Variants in SNX3 observed in about 807,000 individuals in gnomAD.
SNX3 encodes the protein sorting nexin 3.
A neutral mutation model predicts 17.7 loss-of-function variants in SNX3; 5 were observed. The ratio of observed to expected loss-of-function variants is 0.28; its 90% CI spans 0.15 to 0.59. The LOEUF (loss-of-function observed/expected upper bound fraction) is 0.59, where lower values mean the gene tolerates loss of function less well. Ranked by LOEUF, SNX3 falls within the 20% of genes least tolerant of loss-of-function variation. The pLI is 0.88. For missense variants in SNX3, 132 were observed against 206.8 expected (o/e 0.64, Z 2.22); for synonymous variants, 91 against 76.5 (o/e 1.19, Z -0.99).
chr6:108,251,453 T>C (rs1167568128), intron 1 of SNX3, among the ~76,000 whole-genome samples: 1 of 152,178 alleles, frequency 6.6e-6, no homozygotes, highest in Non-Finnish European at 1.5e-5. Flanking sequence ...CCCAGCTTCT[T>C]TTGTAGCTAA....
Position 108,235,189 on chromosome 6 carries a change from A to G in SNX3, c.163-12144T>C, listed in dbSNP as rs573867135. Reference sequence around the variant, plus strand: ...GAATTGGGGCCTGTCCTCTTGGAACATTTGTTCATAAAGACATTCTCTCTT... The same window carrying G: ...GAATTGGGGCCTGTCCTCTTGGAACGTTTGTTCATAAAGACATTCTCTCTT... On this transcript the variant is annotated intron_variant, in intron 1 of 3. Transcript: ENST00000230085. Among the ~76,000 whole-genome samples the G allele has an allele frequency of 3.1e-4, 47 of 152,268 alleles. 1 individual carries two copies. In the South Asian group the frequency reaches 9.7e-3, roughly 32 times the overall value.
At chr6:108,220,318 T>C (rs1774719590) in intron 2 of SNX3, among the ~76,000 whole-genome samples, 2 of 152,118 alleles carry the variant, frequency 1.3e-5, no homozygotes, top group African/African-American at 4.8e-5. Context: ...GCTCCATTTA[T>C]GGTAAGTGCC....
chr6:108,214,262 C>T (rs948915147), intron 3 of SNX3, among the ~76,000 whole-genome samples: 2 of 152,050 alleles, frequency 1.3e-5, no homozygotes, highest in African/African-American at 4.8e-5. Context: ...CATAAATTAA[C>T]CAAGAAAAAC....
Position 108,248,973 on chromosome 6 carries a change from T to C in SNX3, c.162+11787A>G, listed in dbSNP as rs1254355358. Among the ~76,000 whole-genome samples, 4 of 152,192 alleles carry C rather than the reference T, an allele frequency of 2.6e-5. No homozygotes were observed. The East Asian group carries it at 7.7e-4, about 29-fold the overall frequency. Reference sequence around the variant, plus strand: ...TGTAGAAAGGACTTACCTATGTTAATAGTTCAACCAATACCAACTTAAATA... The same window carrying C: ...TGTAGAAAGGACTTACCTATGTTAACAGTTCAACCAATACCAACTTAAATA... On this transcript the variant is annotated intron_variant, in intron 1 of 3. Transcript: ENST00000230085.
chr6:108,247,337 C>T (rs183899659), intron 1 of SNX3, among the ~76,000 whole-genome samples: 9 of 151,970 alleles, frequency 5.9e-5, no homozygotes, highest in African/African-American at 1.9e-4. Flanking sequence ...ACGATTATTG[C>T]TAAGTAAGAA....
chr6:108,239,721 C>G (rs1775461205), intron 1 of SNX3, among the ~76,000 whole-genome samples: 1 of 152,154 alleles, frequency 6.6e-6, no homozygotes, highest in Admixed American at 6.5e-5. Flanking sequence ...ACTTCAAAGT[C>G]CATGCTCTAA....
chr6:108,232,853 T>C (rs1320623192), intron 1 of SNX3, among the ~76,000 whole-genome samples: 1 of 152,222 alleles, frequency 6.6e-6, no homozygotes, highest in Non-Finnish European at 1.5e-5. Flanking sequence ...TTACCCAATC[T>C]GGAACAGCAT....
Sources: allele counts gnomAD v4.1 joint callset (sites outside exome capture counted in the v4.1 genomes callset), GRCh38; gene constraint gnomAD v4.1.1; transcripts MANE v1.5; gene names NCBI Gene and HGNC (gene_info 2026-07-23, HGNC 2026-07-21).